Variants in FTO observed in about 807,000 individuals in gnomAD.
FTO encodes the protein alpha-ketoglutarate-dependent dioxygenase FTO.
A neutral mutation model predicts 63.9 loss-of-function variants in FTO; 47 were observed. The ratio of observed to expected loss-of-function variants is 0.74; its 90% CI spans 0.58 to 0.94. The LOEUF is 0.94. Ranked by LOEUF, FTO falls within the 40% of genes least tolerant of loss-of-function variation. The pLI, the probability that FTO is intolerant of heterozygous loss-of-function variation, is 0.00. For synonymous variants in FTO, 207 were observed against 224.4 expected (o/e 0.92, Z 0.69); for missense variants, 562 against 618.1 (o/e 0.91, Z 0.96).
chr16:53,818,434 C>T (rs573205379), intron 2 of FTO, among the ~76,000 whole-genome samples: 1 of 151,992 alleles, frequency 6.6e-6, no homozygotes, highest in Non-Finnish European at 1.5e-5. Context: ...CATTTAGAGC[C>T]ATCAGAAAGA....
chr16:53,912,306 T>C (rs1487665180), intron 7 of FTO, among the ~76,000 whole-genome samples: 3 of 152,238 alleles, frequency 2.0e-5, no homozygotes, highest in African/African-American at 4.8e-5. Flanking sequence ...CTTTAGCCTC[T>C]GCTAATCACT....
chr16:53,828,419 C>T (rs2079066163), intron 3 of FTO, among the ~76,000 whole-genome samples: 2 of 152,230 alleles, frequency 1.3e-5, no homozygotes, highest in South Asian at 4.1e-4. Context: ...CGGGGTTTCA[C>T]CGTGGTCTCA....
At chr16:53,951,223 C>T (rs2082792625) in intron 8 of FTO, among the ~76,000 whole-genome samples, 1 of 152,112 alleles carries the variant, frequency 6.6e-6, no homozygotes, top group Non-Finnish European at 1.5e-5. Flanking sequence ...GGACCTCACC[C>T]CGTCTCCAAG....
chr16:54,083,333 A>G (rs537521157), intron 8 of FTO, among the ~76,000 whole-genome samples: 1 of 152,240 alleles, frequency 6.6e-6, no homozygotes, highest in African/African-American at 2.4e-5. Context: ...GTTTAAGGTT[A>G]CTTTCATTAA....
At chr16:54,060,862 G>C (rs2085553036) in intron 8 of FTO, among the ~76,000 whole-genome samples, 1 of 152,154 alleles carries the variant, frequency 6.6e-6, no homozygotes, top group Non-Finnish European at 1.5e-5. Flanking sequence ...CTGCCATTTT[G>C]CTAAATAACT....
chr16:54,086,260 A>T (rs149788648), intron 8 of FTO, among the ~76,000 whole-genome samples: 2 of 152,214 alleles, frequency 1.3e-5, no homozygotes, highest in Non-Finnish European at 2.9e-5. Flanking sequence ...TAAATGAACC[A>T]CAAGACCCAT....
chr16:53,732,612 T>C (rs2076298975), intron 1 of FTO, among the ~76,000 whole-genome samples: 1 of 152,156 alleles, frequency 6.6e-6, no homozygotes, highest in Admixed American at 6.5e-5. Context: ...CGTGTCAACA[T>C]GCACTAAAAT....
rs894024173 is a variant in FTO at position 54,093,516 on chromosome 16, C to G, written c.1365-18246C>G. On this transcript the variant is annotated intron_variant, in intron 8 of 8. Transcript: ENST00000471389. ...TTGCTGTGTTCTCCTGACTCACCGC[C>G]GAGCTCTGGCCCAGTCCCAGCTGAC... 5.9e-5 allele frequency among the ~76,000 whole-genome samples: 9 copies of G among 152,176 alleles called. No individual in the cohort carries two copies. The South Asian group carries it at 6.2e-4, about 11-fold the overall frequency.
intron 1 of FTO, among the ~76,000 whole-genome samples, chr16:53,773,490 T>C (rs1265008830): frequency 6.6e-6 from 1 of 152,172 alleles, no homozygotes; most frequent in Non-Finnish European, 1.5e-5. Flanking sequence ...CTTAACGCCC[T>C]GAAACATGCA....
At chr16:53,775,725 G>A (rs1472304071) in intron 1 of FTO, among the ~76,000 whole-genome samples, 1 of 152,130 alleles carries the variant, frequency 6.6e-6, no homozygotes, top group Non-Finnish European at 1.5e-5. Context: ...TGATGTCAGA[G>A]TGTCTTGTCC....
At chr16:54,018,615 G>A (rs2084517272) in intron 8 of FTO, among the ~76,000 whole-genome samples, 1 of 152,062 alleles carries the variant, frequency 6.6e-6, no homozygotes, top group African/African-American at 2.4e-5. Context: ...TGAATCATGG[G>A]GGTGGTTCCC....
At chr16:53,930,384 C>T (rs1372923160) in intron 7 of FTO, among the ~76,000 whole-genome samples, 10 of 151,512 alleles carry the variant, frequency 6.6e-5, no homozygotes, top group Admixed American at 1.3e-4. Context: ...CCACCACGCC[C>T]GGCTAATTTT....
intron 4 of FTO, among the ~76,000 whole-genome samples, chr16:53,845,526 T>G (rs950812708): frequency 6.6e-6 from 1 of 152,252 alleles, no homozygotes; most frequent in Non-Finnish European, 1.5e-5. Flanking sequence ...AATCATGTAC[T>G]TCTGCCTAAA....
At position 53,780,808 on chromosome 16, in the gene FTO, G is replaced by C. The variant is rs150077894; in HGVS notation, c.46-29332G>C. On this transcript the variant is annotated intron_variant, in intron 1 of 8. Coordinates refer to ENST00000471389, the MANE Select transcript of FTO (RefSeq NM_001080432.3). ...TTGGAGAAGTTACTTAACTTTTCAG[G>C]ACTTTCATCTTCTTCTTTATAAAAT... Among the ~76,000 whole-genome samples, 19 of 152,210 alleles carry C rather than the reference G, an allele frequency of 1.2e-4. No individual in the cohort carries two copies. In the East Asian group the frequency reaches 3.7e-3, roughly 29 times the overall value.
chr16:53,834,136 T>C (rs934341746), intron 3 of FTO, among the ~76,000 whole-genome samples: 39 of 152,154 alleles, frequency 2.6e-4, no homozygotes, highest in Non-Finnish European at 4.9e-4. Flanking sequence ...GCCATTCTCC[T>C]GTCTCAGCCC....
intron 4 of FTO, among the ~76,000 whole-genome samples, chr16:53,856,373 G>GTTTTTTAA (rs879753687): frequency 8.0e-5 from 12 of 149,500 alleles, no homozygotes; most frequent in Admixed American, 4.7e-4. Context: ...TTTTTTGGGG[G>GTTTTTTAA]GGGATATTTA....
chr16:54,059,590 G>A (rs2085520836), intron 8 of FTO, among the ~76,000 whole-genome samples: 1 of 152,206 alleles, frequency 6.6e-6, no homozygotes, highest in Non-Finnish European at 1.5e-5. Context: ...GTTGTAGGCA[G>A]TGGTTAAGCG....
intron 4 of FTO, among the ~76,000 whole-genome samples, chr16:53,859,026 A>T (rs1190577530): frequency 1.3e-5 from 2 of 152,144 alleles, no homozygotes; most frequent in African/African-American, 4.8e-5. Flanking sequence ...TTTCTCCTTT[A>T]TTCTTCCAAG....
intron 8 of FTO, among the ~76,000 whole-genome samples, chr16:54,017,040 T>C (rs2084466605): frequency 6.6e-6 from 1 of 152,188 alleles, no homozygotes; most frequent in East Asian, 1.9e-4. Context: ...GGGTAATCCT[T>C]TCAGGGATTT....
Sources: gnomAD v4.1 joint callset for allele counts (sites outside exome capture counted in the v4.1 genomes callset) on GRCh38, gnomAD v4.1.1 for gene constraint, MANE v1.5 for transcripts, NCBI Gene and HGNC (gene_info 2026-07-23, HGNC 2026-07-21) for gene names.